Variants in NRG1 observed in about 807,000 individuals in gnomAD.
NRG1 encodes neuregulin 1.
NRG1 carries 18 observed loss-of-function variants against 63.8 expected under a neutral mutation model. The observed-to-expected ratio is 0.28, with a 90% CI of 0.19 to 0.42. The LOEUF (loss-of-function observed/expected upper bound fraction) is 0.42. NRG1 is among the 10% of genes least tolerant of loss of function. NRG1 has a pLI of 1.00. For missense variants in NRG1, 762 were observed against 814.7 expected (o/e 0.94, Z 0.79); for synonymous variants, 302 against 301.3 (o/e 1.00, Z -0.02).
intron 1 of NRG1, among the ~76,000 whole-genome samples, chr8:32,123,854 G>C (rs1008886509): frequency 2.6e-5 from 4 of 151,708 alleles, no homozygotes; most frequent in African/African-American, 9.7e-5. Flanking sequence ...TCACAGCCAT[G>C]CTGTTAAAGA....
chr8:32,062,958 G>A (rs892341065), intron 1 of NRG1: 2 of 151,910 alleles, frequency 1.3e-5, no homozygotes, highest in Non-Finnish European at 2.9e-5. Flanking sequence ...TTTAATATCT[G>A]GAGAAAAAAT....
intron 1 of NRG1, among the ~76,000 whole-genome samples, chr8:32,567,344 G>A (rs1837637538): frequency 6.6e-6 from 1 of 152,188 alleles, no homozygotes; most frequent in Non-Finnish European, 1.5e-5. Context: ...ATTTGACAAG[G>A]TGTAAATCTC....
rs970935515 is a variant in NRG1, at chr8:32,339,867, A to G, written c.38-255961A>G. Among the ~76,000 whole-genome samples the G allele has an allele frequency of 2.6e-5, 4 of 152,288 alleles. No homozygotes were observed. The Middle Eastern group carries it at 0.01, about 388-fold the overall frequency. On this transcript the variant is annotated intron_variant, in intron 1 of 10. Transcript: ENST00000519301. ...CCTTGAAATGCTAAATAGTCTACAT[A>G]GGAAAGGCTTCTACTATTGTTTCTA...
At chr8:32,350,032 C>G (rs913996316) in intron 1 of NRG1, among the ~76,000 whole-genome samples, 1 of 152,158 alleles carries the variant, frequency 6.6e-6, no homozygotes, top group Non-Finnish European at 1.5e-5. Flanking sequence ...CATTCCAACA[C>G]AGAGAAATAG....
intron 1 of NRG1, among the ~76,000 whole-genome samples, chr8:31,780,680 C>A (rs1232224854): frequency 6.6e-6 from 1 of 152,140 alleles, no homozygotes. Context: ...CTTAGTTCCC[C>A]TTTTTCCTCC....
intron 1 of NRG1, among the ~76,000 whole-genome samples, chr8:31,885,637 C>T (rs989808945): frequency 1.3e-5 from 2 of 152,080 alleles, no homozygotes; most frequent in Non-Finnish European, 2.9e-5. Context: ...GAGAAGCAGG[C>T]AACAGTTTTC....
In NRG1 at chr8:32,360,937, G is replaced by A. The variant is rs182305060; in HGVS notation, c.38-234891G>A. Among the ~76,000 whole-genome samples, 11 of 152,238 alleles carry A rather than the reference G, an allele frequency of 7.2e-5. No homozygotes were observed. In the East Asian group the frequency reaches 9.7e-4, roughly 13 times the overall value. On this transcript the variant is annotated intron_variant, in intron 1 of 10. Transcript: ENST00000519301. Reference sequence around the variant, plus strand: ...AGAGCTGGCCCTGGCTATATCTGCCGTGTACACAAGAACCAAAAATACCAC... The same window carrying A: ...AGAGCTGGCCCTGGCTATATCTGCCATGTACACAAGAACCAAAAATACCAC...
At position 31,851,877 on chromosome 8, in the gene NRG1, C is replaced by T. The variant is rs1171412954; in HGVS notation, c.37+212446C>T. On this transcript the variant is annotated intron_variant, in intron 1 of 10. Coordinates refer to the NRG1 transcript ENST00000519301. ...TGCAGTGTCTGGTTTTTTGTTCTTG[C>T]GATAGTTTACTGAGAATGATGATTT... Among the ~76,000 whole-genome samples the T allele has an allele frequency of 6.0e-5, 9 of 150,502 alleles. No individual in the cohort carries two copies. In the East Asian group the frequency reaches 7.9e-4, roughly 13 times the overall value.
At chr8:32,440,367 C>T (rs1396083143) in intron 1 of NRG1, among the ~76,000 whole-genome samples, 2 of 152,000 alleles carry the variant, frequency 1.3e-5, no homozygotes, top group Non-Finnish European at 2.9e-5. Context: ...TTTTGTTTCC[C>T]TAGCTGGTCT....
chr8:31,941,678 A>G (rs1016317621), intron 1 of NRG1, among the ~76,000 whole-genome samples: 2 of 152,178 alleles, frequency 1.3e-5, no homozygotes, highest in African/African-American at 4.8e-5. Flanking sequence ...AGAACTGGTA[A>G]ATGAATTCAG....
At position 31,921,506 on chromosome 8, in the gene NRG1, C is replaced by A. The variant is rs187442902; in HGVS notation, c.37+282075C>A. 5.3e-4 allele frequency among the ~76,000 whole-genome samples: 79 copies of A among 150,350 alleles called. No individual in the cohort carries two copies. In the East Asian group the frequency reaches 0.014, roughly 26 times the overall value. ...CACACACACACACACACACAGAGTT[C>A]TTTGTTATTTTACATCTGGCAACAG... On this transcript the variant is annotated intron_variant, in intron 1 of 10. Transcript: ENST00000519301.
intron 1 of NRG1, among the ~76,000 whole-genome samples, chr8:32,358,400 G>A (rs1436291610): frequency 6.6e-6 from 1 of 150,462 alleles, no homozygotes; most frequent in African/African-American, 2.4e-5. Flanking sequence ...AACCATGGGA[G>A]TGGTTCTCCT....
rs183151841 is a variant in NRG1 at position 32,088,604 on chromosome 8, G to A, written c.37+449173G>A. On this transcript the variant is annotated intron_variant, in intron 1 of 10. Transcript: ENST00000519301. The stretch of plus-strand genomic sequence containing the variant: ...GCGATCTGGGCTCATTGCAACCTCC[G>A]CCTCCTGGGTTCAAGCGATTTTTCT... Among the ~76,000 whole-genome samples, 25 of 149,766 alleles carry A rather than the reference G, an allele frequency of 1.7e-4. 1 individual carries two copies. The East Asian group carries it at 4.7e-3, about 28-fold the overall frequency.
intron 1 of NRG1, among the ~76,000 whole-genome samples, chr8:31,982,500 C>G (rs908131967): frequency 1.3e-5 from 2 of 151,930 alleles, no homozygotes; most frequent in Non-Finnish European, 2.9e-5. Flanking sequence ...CAGTCCATGA[C>G]TATAGAACAG....
intron 5 of NRG1, among the ~76,000 whole-genome samples, chr8:32,718,110 C>T (rs555229006): frequency 1.3e-5 from 2 of 152,276 alleles, no homozygotes; most frequent in South Asian, 4.1e-4. Context: ...TAGGAAAGCA[C>T]AGTGACAGCT....
intron 1 of NRG1, among the ~76,000 whole-genome samples, chr8:32,089,563 AC>A (rs1258068334): frequency 6.6e-6 from 1 of 152,172 alleles, no homozygotes; most frequent in East Asian, 1.9e-4. Flanking sequence ...ATCTTGTATA[AC>A]TTTGAATTCA....
intron 1 of NRG1, among the ~76,000 whole-genome samples, chr8:31,901,997 A>G (rs977363548): frequency 6.6e-6 from 1 of 152,194 alleles, no homozygotes; most frequent in African/African-American, 2.4e-5. Flanking sequence ...CACAACTGTA[A>G]TTAGGAAAGA....
rs116837199 is a variant in NRG1, at chr8:32,005,518, A to C, written c.37+366087A>C. On this transcript the variant is annotated intron_variant, in intron 1 of 10. Coordinates refer to the NRG1 transcript ENST00000519301. ...CTTTCAAAATAATAATTGCTGAAAA[A>C]TAGTCATCTTAAGAACCTCATATAA... Among the ~76,000 whole-genome samples the C allele has an allele frequency of 8.8e-3, 1,343 of 152,166 alleles. 16 individuals are homozygous for C. The highest frequency in any genetic ancestry group is 0.028 in the African/African-American group (1,162 of 41,544).
chr8:32,071,126 C>G (rs990849613), intron 1 of NRG1, among the ~76,000 whole-genome samples: 1 of 152,202 alleles, frequency 6.6e-6, no homozygotes, highest in African/African-American at 2.4e-5. Context: ...TCCACCGTAG[C>G]ACTTCTCATG....
Sources: allele counts gnomAD v4.1 joint callset (sites outside exome capture counted in the v4.1 genomes callset), GRCh38; gene constraint gnomAD v4.1.1; transcripts MANE v1.5; gene names NCBI Gene and HGNC (gene_info 2026-07-23, HGNC 2026-07-21).